The following NCEH1 variants were observed in gnomAD, a reference collection of about 807,000 sequenced individuals.
NCEH1 encodes 2-acetyl MAGE hydrolase.
Under a neutral mutation model 25.4 loss-of-function variants are expected in NCEH1, and 9 were observed. The ratio of observed to expected loss-of-function variants is 0.35; its 90% CI spans 0.21 to 0.62. The LOEUF is 0.62. Ranked by LOEUF, NCEH1 falls within the 20% of genes least tolerant of loss-of-function variation. NCEH1 has a pLI of 0.72. For synonymous variants in NCEH1, 200 were observed against 199.8 expected (o/e 1.00, Z -0.01); for missense variants, 412 against 501.1 (o/e 0.82, Z 1.70).
chr3:172,699,078 G>GA (rs925508218), intron 1 of NCEH1, among the ~76,000 whole-genome samples: 33 of 152,294 alleles, frequency 2.2e-4, no homozygotes, highest in Non-Finnish European at 4.6e-4. Flanking sequence ...GGCCATAAAA[G>GA]AAAACCAAAA....
At chr3:172,682,417 CG>C (rs1712431606) in intron 1 of NCEH1, among the ~76,000 whole-genome samples, 1 of 152,132 alleles carries the variant, frequency 6.6e-6, no homozygotes, top group South Asian at 2.1e-4. Flanking sequence ...TTCCCTGTTA[CG>C]TATAAGTCCT....
intron 1 of NCEH1, among the ~76,000 whole-genome samples, chr3:172,648,698 G>T (rs1233075555): frequency 6.6e-6 from 1 of 152,028 alleles, no homozygotes; most frequent in East Asian, 1.9e-4. Context: ...CATTGTCAAG[G>T]GAGGCCCTGG....
chr3:172,637,069 T>C (rs1184088690), intron 3 of NCEH1, among the ~76,000 whole-genome samples: 1 of 152,210 alleles, frequency 6.6e-6, no homozygotes, highest in Non-Finnish European at 1.5e-5. Flanking sequence ...CTCACTGTTC[T>C]TATTGGCTCA....
intron 1 of NCEH1, among the ~76,000 whole-genome samples, chr3:172,697,522 A>C (rs1713437939): frequency 6.6e-6 from 1 of 152,066 alleles, no homozygotes; most frequent in Admixed American, 6.6e-5. Flanking sequence ...TAAACTGTTA[A>C]ACTTATTTTG....
intron 1 of NCEH1, among the ~76,000 whole-genome samples, chr3:172,672,385 C>T (rs1577073886): frequency 6.6e-6 from 1 of 152,100 alleles, no homozygotes; most frequent in African/African-American, 2.4e-5. Context: ...TTTTAATACG[C>T]GTTTTAGAAG....
In NCEH1 at chr3:172,633,451, G is replaced by A. The variant is rs200192293; in HGVS notation, c.*24C>T. On this transcript the variant is annotated 3_prime_UTR_variant, in exon 5 of 5. Coordinates refer to ENST00000475381, the MANE Select transcript of NCEH1 (RefSeq NM_020792.6). ...AGGTGTAGGAGGTCAAGAGGGGCTCGAGGCTTCTGGAAGTTTTGCTCCTTT... is the reference window on the plus strand; with the variant it reads ...AGGTGTAGGAGGTCAAGAGGGGCTCAAGGCTTCTGGAAGTTTTGCTCCTTT... The A allele has an allele frequency of 4.4e-5, 71 of 1,598,196 alleles. No homozygotes were observed. In the African/African-American group the frequency reaches 8.2e-4, roughly 18 times the overall value.
intron 1 of NCEH1, among the ~76,000 whole-genome samples, chr3:172,649,180 C>A (rs928719522): frequency 1.3e-5 from 2 of 152,050 alleles, no homozygotes; most frequent in African/African-American, 4.8e-5. Flanking sequence ...GAGCCCTTTA[C>A]CCCAGTGTCC....
chr3:172,647,833 C>T (rs1717189741), intron 2 of NCEH1, 53 bp downstream of exon 2: 6 of 1,604,074 alleles, frequency 3.7e-6, no homozygotes, highest in East Asian at 2.2e-5. Flanking sequence ...AGTTACGCAT[C>T]TCCCCCAAGG....
At chr3:172,704,162 C>G (rs1252592086) in intron 1 of NCEH1, among the ~76,000 whole-genome samples, 1 of 152,192 alleles carries the variant, frequency 6.6e-6, no homozygotes, top group Non-Finnish European at 1.5e-5. Flanking sequence ...CACACCCACA[C>G]AGCCCAAAAG....
intron 1 of NCEH1, among the ~76,000 whole-genome samples, chr3:172,687,859 G>A (rs1576770040): frequency 6.6e-6 from 1 of 152,348 alleles, no homozygotes; most frequent in East Asian, 1.9e-4. Context: ...CAAGCTGGCT[G>A]TTTGAAAGTT....
At chr3:172,645,953 G>A (rs763391056) in intron 2 of NCEH1, among the ~76,000 whole-genome samples, 11 of 152,020 alleles carry the variant, frequency 7.2e-5, no homozygotes, top group South Asian at 2.1e-4. Context: ...ATTTCATAAC[G>A]GACTATATGA....
intron 1 of NCEH1, among the ~76,000 whole-genome samples, chr3:172,668,565 C>T (rs1422286562): frequency 3.3e-5 from 5 of 151,848 alleles, no homozygotes; most frequent in East Asian, 1.9e-4. Flanking sequence ...CTTCTCTCTC[C>T]GACTGGAATA....
At chr3:172,675,282 G>T (rs1711903087) in intron 1 of NCEH1, among the ~76,000 whole-genome samples, 2 of 150,692 alleles carry the variant, frequency 1.3e-5, no homozygotes, top group Non-Finnish European at 2.9e-5. Context: ...CAGCCTGGGT[G>T]ACAGAGCAAG....
At chr3:172,654,497 T>G (rs1717601245) in intron 1 of NCEH1, among the ~76,000 whole-genome samples, 1 of 152,250 alleles carries the variant, frequency 6.6e-6, no homozygotes, top group African/African-American at 2.4e-5. Flanking sequence ...ACTATCGTTT[T>G]TCCTATTATG....
intron 1 of NCEH1, among the ~76,000 whole-genome samples, chr3:172,678,753 G>T (rs550836916): frequency 6.6e-6 from 1 of 152,222 alleles, no homozygotes; most frequent in South Asian, 2.1e-4. Context: ...CTTCCTACAT[G>T]CATATATTGT....
intron 4 of NCEH1, among the ~76,000 whole-genome samples, chr3:172,634,410 T>TA (rs1716513581): frequency 6.6e-6 from 1 of 152,196 alleles, no homozygotes; most frequent in Non-Finnish European, 1.5e-5. Flanking sequence ...GTGAACCTTA[T>TA]TTAATTTTTT....
intron 1 of NCEH1, among the ~76,000 whole-genome samples, chr3:172,705,725 G>C (rs139106029): frequency 6.6e-6 from 1 of 152,098 alleles, no homozygotes; most frequent in Non-Finnish European, 1.5e-5. Flanking sequence ...GGCTGGGCAC[G>C]GTGGCTCACG....
intron 2 of NCEH1, among the ~76,000 whole-genome samples, chr3:172,646,994 A>G (rs992785473): frequency 2.0e-5 from 3 of 152,190 alleles, no homozygotes; most frequent in African/African-American, 4.8e-5. Context: ...GCAAACCTAC[A>G]TACTCATGAA....
rs1202221418 is a variant in NCEH1, at chr3:172,630,679, C to T, written c.*2796G>A. 6.6e-6 allele frequency: 1 copy of T among 152,150 alleles called. No homozygotes were observed. The highest frequency in any genetic ancestry group is 1.9e-4 in the East Asian group (1 of 5,202). The allele number at this position is 152,150 out of a possible 1,614,324, so 9.4% of individuals were successfully genotyped here. A position where few individuals can be genotyped will look rare whatever the true frequency, so the allele number is the denominator to read the frequency against. ...ATTCCCAGATGGAGCAATTTTATTTCCAAACATGATTCAGAATAGATAGAT... is the reference window on the plus strand; with the variant it reads ...ATTCCCAGATGGAGCAATTTTATTTTCAAACATGATTCAGAATAGATAGAT... On this transcript the variant is annotated 3_prime_UTR_variant, in exon 5 of 5. Coordinates refer to ENST00000475381, the MANE Select transcript of NCEH1 (RefSeq NM_020792.6).
Sources: allele counts gnomAD v4.1 joint callset (sites outside exome capture counted in the v4.1 genomes callset), GRCh38; gene constraint gnomAD v4.1.1; transcripts MANE v1.5; gene names NCBI Gene and HGNC (gene_info 2026-07-23, HGNC 2026-07-21).